C7orf57: variants seen among roughly 807,000 people sequenced by gnomAD.
C7orf57 encodes the protein chromosome 7 open reading frame 57.
C7orf57 carries 33 observed loss-of-function variants against 39.0 expected under a neutral mutation model. The observed-to-expected ratio is 0.85, with a 90% CI of 0.64 to 1.13. The LOEUF is 1.13. C7orf57 is among the 50% of genes most tolerant of loss of function. C7orf57 has a pLI of 0.00. For synonymous variants in C7orf57, 124 were observed against 137.1 expected (o/e 0.90, Z 0.67); for missense variants, 346 against 362.3 (o/e 0.95, Z 0.37).
intron 2 of C7orf57, among the ~76,000 whole-genome samples, chr7:48,037,754 TGTGTGTGTGTGTGTGCGCGCGCGTGC>T (rs1790421866): frequency 6.6e-6 from 1 of 151,810 alleles, no homozygotes; most frequent in South Asian, 2.1e-4. Context: ...ACCCTCTGTG[TGTGTGTGTGTGTGTGCGCGCGCGTGC>T]GTGTGTGTGA....
At chr7:48,041,718 T>C (rs1790557906) in intron 3 of C7orf57, 199 bp downstream of exon 3, 2 of 376,128 alleles carry the variant, frequency 5.3e-6, no homozygotes, top group Non-Finnish European at 9.4e-6. Context: ...CTAGAATAAA[T>C]AGGCCAAATT....
At chr7:48,044,400 T>C (rs1369401241) in intron 4 of C7orf57, among the ~76,000 whole-genome samples, 1 of 152,220 alleles carries the variant, frequency 6.6e-6, no homozygotes, top group Non-Finnish European at 1.5e-5. Context: ...CCTGGGTTTA[T>C]ATGCCGATCA....
chr7:48,052,709 A>G lies in C7orf57; in HGVS notation c.615A>G (p.Gln205=). 6.2e-7 allele frequency: 1 copy of G among 1,613,870 alleles called. No individual in the cohort carries two copies. Among genetic ancestry groups the G allele is most frequent in the Non-Finnish European group, 8.5e-7 (1 of 1,179,786 alleles). Residue 205 remains glutamine, a synonymous_variant, in exon 7 of 9, where the codon CAA becomes CAG. Transcript: ENST00000348904. ...SRLSFPPVPG[Q]KNSSPTNFSK... ...TTTTACTCTTTTTAAGGCCTGGTCA[A>G]AAAAACAGTTCACCTACCAATTTTT...
chr7:48,059,848 ATGCCGAGGCTGACAGACAGCC>A (rs1300303860), intron 8 of C7orf57, among the ~76,000 whole-genome samples: 2 of 152,172 alleles, frequency 1.3e-5, no homozygotes, highest in African/African-American at 4.8e-5. Context: ...GACACGTGCC[ATGCCGAGGCTGACAGACAGCC>A]TGAGTTGCCC....
At chr7:48,056,207 A>G (rs981833755) in intron 8 of C7orf57, among the ~76,000 whole-genome samples, 1 of 152,054 alleles carries the variant, frequency 6.6e-6, no homozygotes, top group Admixed American at 6.5e-5. Flanking sequence ...CATTTCCCTG[A>G]TGATAGTGAT....
intron 8 of C7orf57, among the ~76,000 whole-genome samples, chr7:48,058,372 A>G (rs560213435): frequency 6.6e-6 from 1 of 151,768 alleles, no homozygotes; most frequent in East Asian, 1.9e-4. Flanking sequence ...AACTGATTCA[A>G]TCTCCATACT....
chr7:48,052,578 G>A (rs1790987630), intron 6 of C7orf57, 122 bp from the exon 7 acceptor site: 1 of 745,710 alleles, frequency 1.3e-6, no homozygotes, highest in Non-Finnish European at 2.3e-6. Context: ...GACAGAGAGA[G>A]AGAGGTTTGT....
At chr7:48,051,860 T>C (rs1395970078) in intron 6 of C7orf57, among the ~76,000 whole-genome samples, 2 of 74,118 alleles carry the variant, frequency 2.7e-5, no homozygotes, top group African/African-American at 6.9e-5. Context: ...TCTTTCTTTC[T>C]TTCTTTCTTT....
rs774918710 is a variant in C7orf57, at chr7:48,046,562, C to T, written c.453C>T (p.Asp151=). Residue 151 remains aspartate (D), a synonymous_variant, in exon 5 of 9, where the codon GAC becomes GAT. Coordinates refer to ENST00000348904, the MANE Select transcript of C7orf57 (RefSeq NM_001100159.3). The part of the protein sequence containing the change: ...YASRRGPFDF[D]MKTVWQREAE... ...CCAGAAGAGGGCCCTTCGACTTCGA[C>T]ATGAAAACAGTTTGGCAAAGAGAGG... 1.2e-6 allele frequency: 2 copies of T among 1,613,796 alleles called. No individual in the cohort carries two copies. The highest frequency in any genetic ancestry group is 2.2e-5 in the South Asian group (2 of 91,054).
chr7:48,043,669 T>C, intron 4 of C7orf57, 80 bp downstream of exon 4: 1 of 1,057,494 alleles, frequency 9.5e-7, no homozygotes. Context: ...AAAATACAAA[T>C]GTCTAATAGT....
chr7:48,052,830 G>A lies in C7orf57; in HGVS notation c.736G>A (p.Val246Met), dbSNP rs751637920. The change falls in exon 7 of 9, where the codon GTG becomes ATG. Residue 246 changes from valine to methionine, a missense_variant. Coordinates refer to ENST00000348904, the MANE Select transcript of C7orf57 (RefSeq NM_001100159.3). Reference sequence around the variant, plus strand: ...GACCCCGAAGACCTCCAGGGCATCAGTGTTATCTCAGTCCCCACGAGACCT... The same window carrying A: ...GACCCCGAAGACCTCCAGGGCATCAATGTTATCTCAGTCCCCACGAGACCT... ...KRTPKTSRAS[V>M]LSQSPRDLEG... The A allele has an allele frequency of 6.2e-7, 1 of 1,614,018 alleles. No homozygotes were observed. Among genetic ancestry groups the A allele is most frequent in the Non-Finnish European group, 8.5e-7 (1 of 1,179,886 alleles).
In C7orf57 at chr7:48,051,724, TTC is replaced by T. The variant is rs755414581; in HGVS notation, c.606-972_606-971del. On this transcript the variant is annotated intron_variant, in intron 6 of 8. Coordinates refer to ENST00000348904, the MANE Select transcript of C7orf57 (RefSeq NM_001100159.3). Reference sequence around the variant, plus strand: ...TTCTCTCTCTCTCTCCTTTCTTTCTTTCTCTTTTTCTTTTCTTTCTTTTTCTT... The same window carrying T: ...TTCTCTCTCTCTCTCCTTTCTTTCTTTCTTTTTCTTTTCTTTCTTTTTCTT... Among the ~76,000 whole-genome samples, 359 of 50,398 alleles carry T rather than the reference TTC, an allele frequency of 7.1e-3. 35 individuals carry two copies. Among genetic ancestry groups the T allele is most frequent in the South Asian group, 0.016 (25 of 1,610 alleles). 33.1% of individuals were successfully genotyped at this position (50,398 alleles called of 152,430 possible). A position where few individuals can be genotyped will look rare whatever the true frequency, so the allele number is the denominator to read the frequency against.
At chr7:48,045,285 T>C (rs183010189) in intron 4 of C7orf57, among the ~76,000 whole-genome samples, 1 of 55,748 alleles carries the variant, frequency 1.8e-5, no homozygotes, top group Non-Finnish European at 4.9e-5. Context: ...TTTTTAATTG[T>C]CCCTCCCTTT....
intron 4 of C7orf57, 98 bp from the exon 5 acceptor site, chr7:48,046,362 G>A: frequency 9.1e-7 from 1 of 1,097,578 alleles, no homozygotes; most frequent in Admixed American, 2.5e-5. Flanking sequence ...GAGACAGAAG[G>A]AGGGAGGGAA....
intron 2 of C7orf57, among the ~76,000 whole-genome samples, chr7:48,038,381 C>CATATATATATATATAT (rs142265532): frequency 4.7e-5 from 6 of 128,928 alleles, no homozygotes; most frequent in Non-Finnish European, 9.5e-5. Context: ...TTTCTATATA[C>CATATATATATATATAT]ATATAGATAG....
Position 48,046,561 on chromosome 7 carries a change from A to G in C7orf57, c.452A>G (p.Asp151Gly). 6.8e-6 allele frequency: 11 copies of G among 1,613,892 alleles called. No individual in the cohort carries two copies. The highest frequency in any genetic ancestry group is 9.3e-6 in the Non-Finnish European group (11 of 1,179,826). The change falls in exon 5 of 9, where the codon GAC becomes GGC. Residue 151 changes from aspartate (D) to glycine (G), a missense_variant. Coordinates refer to ENST00000348904, the MANE Select transcript of C7orf57 (RefSeq NM_001100159.3). ...YASRRGPFDF[D>G]MKTVWQREAE... ...TCCAGAAGAGGGCCCTTCGACTTCG[A>G]CATGAAAACAGTTTGGCAAAGAGAG...
intron 2 of C7orf57, among the ~76,000 whole-genome samples, chr7:48,037,786 T>C (rs11772633): frequency 0.46 from 70,052 of 151,386 alleles, 16,813 homozygotes; most frequent in African/African-American, 0.6. Context: ...CGTGCGTGTG[T>C]GTGAGGTGGT....
Position 48,041,525 on chromosome 7 carries a change from C to G in C7orf57, c.241+6C>G. The G allele has an allele frequency of 6.3e-7, 1 of 1,586,602 alleles. No homozygotes were observed. ...GAAACAAGGTGGCAGGCCCGGTGAG[C>G]CCCCTCCTGCCCTGTTCAGTGTGGC... On this transcript the variant is annotated splice_donor_region_variant and intron_variant, in intron 3 of 8. Transcript: ENST00000348904.
Position 48,036,360 on chromosome 7 carries a change from T to A in C7orf57, c.52T>A (p.Cys18Ser), listed in dbSNP as rs1790361010. 2 of 1,583,144 alleles carry A rather than the reference T, an allele frequency of 1.3e-6. No homozygotes were observed. Among genetic ancestry groups the A allele is most frequent in the African/African-American group, 2.7e-5 (2 of 74,318 alleles). The change falls in exon 2 of 9, where the codon TGC becomes AGC. Residue 18 changes from cysteine to serine, a missense_variant. Physicochemically the swap from Cys to Ser is moderately radical, Grantham distance 112 (BLOSUM62 -1). Coordinates refer to ENST00000348904, the MANE Select transcript of C7orf57 (RefSeq NM_001100159.3). ...LQGATHRYAP[C>S]DWYYHVPVKR... ...GGGCGCCACGCACCGCTACGCTCCC[T>A]GCGGTGAGTGCGCCCTGAGCGCGTC...
Sources: gnomAD v4.1 joint callset for allele counts (sites outside exome capture counted in the v4.1 genomes callset) on GRCh38, gnomAD v4.1.1 for gene constraint, MANE v1.5 for transcripts, NCBI Gene and HGNC (gene_info 2026-07-23, HGNC 2026-07-21) for gene names.